ZNF600: variants seen among roughly 807,000 people sequenced by gnomAD.
The protein encoded by ZNF600 is zinc finger protein KR-ZNF1.
Under a neutral mutation model 7.3 loss-of-function variants are expected in ZNF600, and 4 were observed. The ratio of observed to expected loss-of-function variants is 0.55; its 90% CI spans 0.27 to 1.25. The LOEUF is 1.25. Among genes scored for constraint, ZNF600 ranks in the 50% most tolerant of loss-of-function variants. The pLI, the probability that ZNF600 is intolerant of heterozygous loss-of-function variation, is 0.12. For missense variants in ZNF600, 911 were observed against 922.1 expected (o/e 0.99, Z 0.16); for synonymous variants, 290 against 308.9 (o/e 0.94, Z 0.64).
At chr19:52,799,726 C>A in the ZNF600 span, 1 of 1,610,476 alleles carries the variant, frequency 6.2e-7, no homozygotes, top group Non-Finnish European at 8.5e-7. Context: ...TGATGGTATA[C>A]AAGGTTTGAC....
At chr19:52,784,382 G>C (rs2062747835) in intron 1 of ZNF600, among the ~76,000 whole-genome samples, 1 of 152,094 alleles carries the variant, frequency 6.6e-6, no homozygotes, top group African/African-American at 2.4e-5. Flanking sequence ...ATCCAGCCTG[G>C]GTGACAGAGC....
Position 52,767,478 on chromosome 19 carries a change from GAATAAAAGCTT to G in ZNF600, c.474_484del (p.Ser159ThrfsTer4). Reference sequence around the variant, plus strand: ...AATTATGTGGAGTTCAGGCAGATGTGAATAAAAGCTTGATCCAAGCTGATCTTTAATAGGCT... The same window carrying G: ...AATTATGTGGAGTTCAGGCAGATGTGGATCCAAGCTGATCTTTAATAGGCT... On this transcript the variant is annotated frameshift_variant, in exon 4 of 4. Transcript: ENST00000648973. LOFTEE classifies it low-confidence loss of function (END_TRUNC). The G allele has an allele frequency of 6.2e-7, 1 of 1,614,160 alleles. No individual in the cohort carries two copies. Among genetic ancestry groups the G allele is most frequent in the Non-Finnish European group, 8.5e-7 (1 of 1,180,020 alleles).
At chr19:52,808,520 C>A in the ZNF600 span, among the ~76,000 whole-genome samples, 1 of 151,874 alleles carries the variant, frequency 6.6e-6, no homozygotes, top group African/African-American at 2.4e-5. Flanking sequence ...GTCTGTAATC[C>A]CAGCTACGCA....
upstream of ZNF600, chr19:52,786,844 C>G: frequency 3.7e-6 from 1 of 268,962 alleles, no homozygotes; most frequent in East Asian, 1.1e-4. Context: ...AGGCGGGGCC[C>G]CAGGCGGAGA....
intron 2 of ZNF600, among the ~76,000 whole-genome samples, 193 bp from the exon 5 acceptor site, chr19:52,774,894 G>A (rs1360795478): frequency 6.6e-6 from 1 of 152,086 alleles, no homozygotes; most frequent in Non-Finnish European, 1.5e-5. Flanking sequence ...GATGCCATAA[G>A]TCACTATGGA....
intron 3 of ZNF600, among the ~76,000 whole-genome samples, chr19:52,771,532 G>A (rs533329091): frequency 6.6e-6 from 1 of 152,024 alleles, no homozygotes; most frequent in South Asian, 2.1e-4. Flanking sequence ...GGAGTGCAGT[G>A]GCGCAATCAT....
chr19:52,808,235 G>C, the ZNF600 span: 2 of 1,542,414 alleles, frequency 1.3e-6, no homozygotes, highest in Non-Finnish European at 1.7e-6. Flanking sequence ...TGTAGTGAAT[G>C]TTCTCACAAA....
At chr19:52,816,834 AAAT>A in the ZNF600 span, among the ~76,000 whole-genome samples, 2,705 of 138,384 alleles carry the variant, frequency 0.02, 45 homozygotes, top group African/African-American at 0.037. Flanking sequence ...CCGTTTCAGA[AAAT>A]AATAATAATA....
chr19:52,808,225 TG>T, the ZNF600 span: 2 of 1,556,854 alleles, frequency 1.3e-6, no homozygotes, highest in Non-Finnish European at 1.7e-6. Context: ...TGGATTTAGT[TG>T]TAGTGAATGT....
At chr19:52,811,684 C>G in the ZNF600 span, among the ~76,000 whole-genome samples, 3 of 144,876 alleles carry the variant, frequency 2.1e-5, no homozygotes, top group African/African-American at 8.0e-5. Context: ...AGTGAGGAGC[C>G]CCTCCGTCCG....
the ZNF600 span, chr19:52,809,843 CGGTGGT>C: frequency 2.8e-5 from 16 of 572,088 alleles, no homozygotes; most frequent in Non-Finnish European, 4.6e-5. Flanking sequence ...GCGGCGGTGG[CGGTGGT>C]GGCAGTAGCA....
the ZNF600 span, among the ~76,000 whole-genome samples, chr19:52,803,858 C>T: frequency 2.2e-4 from 33 of 152,194 alleles, no homozygotes; most frequent in South Asian, 6.2e-3. Context: ...ACTTGGTAGT[C>T]TGAGGCAGAA....
At chr19:52,766,839 T>C in exon 4 of ZNF600, 1 of 1,614,152 alleles carries the variant, frequency 6.2e-7, no homozygotes, top group Non-Finnish European at 8.5e-7. Context: ...TTTGTCACAT[T>C]CTTCACATTT....
chr19:52,778,788 A>G, intron 2 of ZNF600, 38 bp downstream of exon 4: 1 of 1,580,426 alleles, frequency 6.3e-7, no homozygotes, highest in East Asian at 2.2e-5. Context: ...TTCAGAAAGG[A>G]AAGAGACAGA....
exon 4 of ZNF600, chr19:52,767,147 T>C (rs556367944): frequency 1.1e-5 from 17 of 1,614,192 alleles, no homozygotes; most frequent in South Asian, 2.2e-5. Context: ...ATGTAAGGTA[T>C]TGCTTGTGAT....
At chr19:52,819,441 C>G in the ZNF600 span, among the ~76,000 whole-genome samples, 7 of 125,140 alleles carry the variant, frequency 5.6e-5, 1 homozygote, top group African/African-American at 2.3e-4. Flanking sequence ...ACTGAAAATT[C>G]TAATTACAAC....
chr19:52,808,235 G>T, the ZNF600 span: 1 of 1,542,532 alleles, frequency 6.5e-7, no homozygotes, highest in Admixed American at 2.1e-5. Context: ...TGTAGTGAAT[G>T]TTCTCACAAA....
At position 52,774,697 on chromosome 19, in the gene ZNF600, C is replaced by A. The variant is rs192294275; in HGVS notation, c.68G>T (p.Arg23Leu). The A allele has an allele frequency of 5.8e-4, 575 of 985,324 alleles. 2 individuals carry two copies. The African/African-American group carries it at 9.6e-3, about 16-fold the overall frequency. The allele number at this position is 985,324 out of a possible 1,614,324, so 61.0% of individuals were successfully genotyped here. The change falls in exon 3 of 4, where the codon CGC becomes CTC. Residue 23 changes from arginine to leucine, a missense_variant. Physicochemically the swap from Arg to Leu is moderately radical, Grantham distance 102. Transcript: ENST00000648973. ...TATAGCCACATCCCTGAAAGTCAAGCGTCCCTAAAATGAAACACACATTTC... is the reference window on the plus strand; with the variant it reads ...TATAGCCACATCCCTGAAAGTCAAGAGTCCCTAAAATGAAACACACATTTC...
At chr19:52,806,964 A>T in the ZNF600 span, among the ~76,000 whole-genome samples, 1 of 152,176 alleles carries the variant, frequency 6.6e-6, no homozygotes, top group Non-Finnish European at 1.5e-5. Context: ...GCAAAGAAAG[A>T]TATCTTTTCA....
Sources: gnomAD v4.1 joint callset for allele counts (sites outside exome capture counted in the v4.1 genomes callset) on GRCh38, gnomAD v4.1.1 for gene constraint, MANE v1.5 for transcripts, NCBI Gene and HGNC (gene_info 2026-07-23, HGNC 2026-07-21) for gene names.